Variants in TPR observed in about 807,000 individuals in gnomAD.
TPR encodes translocated promoter region, nuclear basket protein.
Under a neutral mutation model 316.1 loss-of-function variants are expected in TPR, and 51 were observed. That is an observed-to-expected ratio of 0.16 (90% CI 0.13 to 0.20). The LOEUF is 0.20. Among genes scored for constraint, TPR ranks in the 10% least tolerant of loss-of-function variants. TPR has a pLI of 1.00. For synonymous variants in TPR, 981 were observed against 914.7 expected (o/e 1.07, Z -1.31); for missense variants, 2,272 against 2,754.8 (o/e 0.82, Z 3.92).
In TPR at chr1:186,346,120, G is replaced by T; in HGVS notation, c.3096+15C>A. 4 of 1,579,428 alleles carry T rather than the reference G, an allele frequency of 2.5e-6. No homozygotes were observed. The highest frequency in any genetic ancestry group is 2.6e-6 in the Non-Finnish European group (3 of 1,166,408). ...TACAAGTTAAAAAAAAAATTAATAC[G>T]GTTAACCTATTTACCTGTTGTTCCA... On this transcript the variant is annotated intron_variant, in intron 23 of 50. Coordinates refer to ENST00000367478, the MANE Select transcript of TPR (RefSeq NM_003292.3).
At chr1:186,349,729 A>C (rs1658801958) in intron 21 of TPR, among the ~76,000 whole-genome samples, 1 of 152,062 alleles carries the variant, frequency 6.6e-6, no homozygotes, top group Admixed American at 6.5e-5. Flanking sequence ...AAAGGCTTCG[A>C]ACTTGAAAGA....
At chr1:186,332,077 G>A in intron 38 of TPR, 118 bp downstream of exon 38, 1 of 1,091,960 alleles carries the variant, frequency 9.2e-7, no homozygotes, top group South Asian at 2.1e-5. Flanking sequence ...TTCAATAAAA[G>A]TGTTTTCCAG....
At position 186,347,310 on chromosome 1, in the gene TPR, G is replaced by T. The variant is rs1204618749; in HGVS notation, c.2925C>A (p.Ser975=). Residue 975 remains serine, a synonymous_variant, in exon 22 of 51, where the codon TCC becomes TCA. Coordinates refer to ENST00000367478, the MANE Select transcript of TPR (RefSeq NM_003292.3). ...YQAMVTSLEE[S]LNKEKQVTEE... ...TACATACCTGTTTTTCCTTGTTCAG[G>T]GATTCTTCTAAACTAGTAACCATTG... is the stretch of plus-strand genomic sequence containing the variant. The T allele has an allele frequency of 3.1e-6, 5 of 1,612,806 alleles. No individual in the cohort carries two copies. The highest frequency in any genetic ancestry group is 2.2e-5 in the South Asian group (2 of 90,794).
chr1:186,375,244 G>C lies in TPR; in HGVS notation c.-216C>G. Reference sequence around the variant, plus strand: ...TTTCAGCAACAGCACCTCACCGCCCGCGACCGAAGTGCGCGCGCAGCCGTT... The same window carrying C: ...TTTCAGCAACAGCACCTCACCGCCCCCGACCGAAGTGCGCGCGCAGCCGTT... On this transcript the variant is annotated 5_prime_UTR_variant, in exon 1 of 51. Transcript: ENST00000367478. 6.9e-7 allele frequency: 1 copy of C among 1,448,328 alleles called. No individual in the cohort carries two copies. The allele number at this position is 1,448,328 out of a possible 1,614,324, so 89.7% of individuals were successfully genotyped here.
In TPR at chr1:186,333,126, G is replaced by A. The variant is rs1658223747; in HGVS notation, c.5451C>T (p.Gly1817=). 2 of 1,612,838 alleles carry A rather than the reference G, an allele frequency of 1.2e-6. No homozygotes were observed. The highest frequency in any genetic ancestry group is 1.7e-5 in the Admixed American group (1 of 59,828). The change falls in exon 37 of 51, where the codon GGC becomes GGT. Residue 1817 remains glycine, a synonymous_variant. Transcript: ENST00000367478. ...TCATTTTAAAATTAATTTTACCTGT[G>A]CCAAATACTGCTGTGGAAGTAGAAG... ...ERPSTSTAVF[G]TVSATPSSSL...
chr1:186,336,690 A>G lies in TPR; in HGVS notation c.4511T>C (p.Leu1504Ser). 6.2e-7 allele frequency: 1 copy of G among 1,612,436 alleles called. No homozygotes were observed. Among genetic ancestry groups the G allele is most frequent in the Non-Finnish European group, 8.5e-7 (1 of 1,179,392 alleles). The stretch of plus-strand genomic sequence containing the variant: ...TCTTGCTTCTGTCTCTTTTTCAGAT[A>G]ATGTCTTTAAAGGAAAACAAAGTAT... ...ESQVENLQKTLSEKETEARNL... is the reference protein window; with the variant it reads ...ESQVENLQKTSSEKETEARNL... The change falls in exon 33 of 51, where the codon TTA (leucine) becomes TCA (serine). Residue 1504 changes from leucine to serine, a missense_variant. Around this residue, in one of 10 missense-constraint regions of TPR, gnomAD observed 101 missense variants for 113.0 expected, o/e 0.89. Coordinates refer to ENST00000367478, the MANE Select transcript of TPR (RefSeq NM_003292.3).
At position 186,322,695 on chromosome 1, in the gene TPR, A is replaced by C. The variant is rs1246014161; in HGVS notation, c.6298-109T>G. On this transcript the variant is annotated intron_variant, in intron 43 of 50. Coordinates refer to ENST00000367478, the MANE Select transcript of TPR (RefSeq NM_003292.3). ...TTACGCTGCCAACAAAATAGTTAGC[A>C]GACAGGTAATTAGGACATTTTCCCA... 7.2e-6 allele frequency: 8 copies of C among 1,106,770 alleles called. No homozygotes were observed. In the African/African-American group the frequency reaches 1.2e-4, roughly 17 times the overall value. The allele number at this position is 1,106,770 out of a possible 1,614,324, so 68.6% of individuals were successfully genotyped here.
intron 39 of TPR, among the ~76,000 whole-genome samples, chr1:186,330,942 A>G (rs796602815): frequency 8.5e-5 from 13 of 152,272 alleles, no homozygotes; most frequent in African/African-American, 3.1e-4. Context: ...AATGCAGGGA[A>G]TTAATGATAT....
At position 186,314,694 on chromosome 1, in the gene TPR, C is replaced by T; in HGVS notation, c.6971G>A (p.Arg2324Lys). 1 of 1,612,596 alleles carries T rather than the reference C, an allele frequency of 6.2e-7. No individual in the cohort carries two copies. The highest frequency in any genetic ancestry group is 8.5e-7 in the Non-Finnish European group (1 of 1,179,240). Residue 2324 changes from arginine (R) to lysine (K), a missense_variant, in exon 50 of 51, where the codon AGA becomes AAA. Physicochemically the swap from Arg to Lys is conservative, Grantham distance 26 (BLOSUM62 2). Around this residue, in one of 10 missense-constraint regions of TPR, gnomAD observed 123 missense variants for 142.3 expected, o/e 0.86. Coordinates refer to ENST00000367478, the MANE Select transcript of TPR (RefSeq NM_003292.3). ...DTSSSQPKPFRRVRLQTTLRQ... is the reference protein window; with the variant it reads ...DTSSSQPKPFKRVRLQTTLRQ... ...CAATGTTGTCTGAAGTCTTACTCGT[C>T]TGAAAGGCTTTGGTTGACTACTACT...
In TPR at chr1:186,332,062, G is replaced by C. The variant is rs1658183114; in HGVS notation, c.5604+133C>G. 4 of 925,742 alleles carry C rather than the reference G, an allele frequency of 4.3e-6. No individual in the cohort carries two copies. The East Asian group carries it at 1.2e-4, about 27-fold the overall frequency. 57.3% of individuals were successfully genotyped at this position (925,742 alleles called of 1,614,324 possible). A position where few individuals can be genotyped will look rare whatever the true frequency, so the allele number is the denominator to read the frequency against. The stretch of plus-strand genomic sequence containing the variant: ...CTGGGTTGTCAGTGGAATCTTTGTA[G>C]AAAGTTCAATAAAAGTGTTTTCCAG... On this transcript the variant is annotated intron_variant, in intron 38 of 50. Transcript: ENST00000367478.
chr1:186,336,943 G>A (rs1005207535), intron 32 of TPR, 70 bp downstream of exon 32: 2 of 1,591,098 alleles, frequency 1.3e-6, no homozygotes, highest in African/African-American at 2.7e-5. Context: ...CAAAGTGTCA[G>A]TAGTTAACAC....
intron 34 of TPR, 65 bp downstream of exon 34, chr1:186,335,272 CA>C (rs1434613914): frequency 6.3e-7 from 1 of 1,583,118 alleles, no homozygotes; most frequent in African/African-American, 1.4e-5. Context: ...CCTATATCAC[CA>C]AGCACTTTCA....
chr1:186,358,006 C>T (rs1659079165), intron 13 of TPR, among the ~76,000 whole-genome samples: 1 of 152,086 alleles, frequency 6.6e-6, no homozygotes, highest in East Asian at 1.9e-4. Context: ...ATATATAATG[C>T]CATTCATGTG....
Position 186,313,502 on chromosome 1 carries a change from A to G in TPR, c.*469T>C. 1 of 550,026 alleles carries G rather than the reference A, an allele frequency of 1.8e-6. No individual in the cohort carries two copies. The highest frequency in any genetic ancestry group is 3.2e-6 in the Non-Finnish European group (1 of 311,958). The allele number at this position is 550,026 out of a possible 1,614,324, so 34.1% of individuals were successfully genotyped here. On this transcript the variant is annotated 3_prime_UTR_variant, in exon 51 of 51. Transcript: ENST00000367478. ...AAATGTCAATCTTTTGAAACATCAA[A>G]AAAGCTGAAAAGTCTAGGCAATTGT...
Position 186,360,913 on chromosome 1 carries a change from A to C in TPR, c.959-8T>G, listed in dbSNP as rs762096352. On this transcript the variant is annotated splice_polypyrimidine_tract_variant and splice_region_variant and intron_variant, in intron 9 of 50. Transcript: ENST00000367478. ...CTTGTATTGCTTTGTTGGCTAAAAA[A>C]CAATTTTAAAGACCAAATATTCAAA... 6.2e-7 allele frequency: 1 copy of C among 1,603,760 alleles called. No individual in the cohort carries two copies.
At chr1:186,333,091 T>C in intron 37 of TPR, 31 bp downstream of exon 37, 1 of 1,608,184 alleles carries the variant, frequency 6.2e-7, no homozygotes, top group Non-Finnish European at 8.5e-7. Context: ...TGCATAGGTC[T>C]ACTCTGACTT....
At chr1:186,316,113 G>A (rs1223135257) in intron 49 of TPR, among the ~76,000 whole-genome samples, 1 of 151,792 alleles carries the variant, frequency 6.6e-6, no homozygotes, top group African/African-American at 2.4e-5. Context: ...TACAAGCTCT[G>A]ATAAGATATA....
Position 186,343,998 on chromosome 1 carries a change from G to A in TPR, c.3510C>T (p.Val1170=), listed in dbSNP as rs180994743. 376 of 1,614,034 alleles carry A rather than the reference G, an allele frequency of 2.3e-4. 1 individual carries two copies. In the African/African-American group the frequency reaches 4.2e-3, roughly 18 times the overall value. The change falls in exon 26 of 51, where the codon GTC becomes GTT. Residue 1170 remains valine, a synonymous_variant. Transcript: ENST00000367478. ...HDQIEKLSDK[V]VASVKEGVQG... is the part of the protein sequence containing the mutation. The stretch of plus-strand genomic sequence containing the variant: ...GTACACCTTCCTTCACAGAGGCAAC[G>A]ACCTTGTCACTTAATTTTTCGATCT...
chr1:186,338,216 C>A lies in TPR; in HGVS notation c.4179G>T (p.Gln1393His). 6.2e-7 allele frequency: 1 copy of A among 1,609,640 alleles called. No individual in the cohort carries two copies. Among genetic ancestry groups the A allele is most frequent in the South Asian group, 1.1e-5 (1 of 90,048 alleles). ...ARSNASLTNN[Q>H]NLIQSLKEDL... ...CTTCCTTCAGACTCTGAATTAAGTT[C>A]TGGTTGTTAGTCAAAGATGCATTTG... The change falls in exon 31 of 51, where the codon CAG becomes CAT. Residue 1393 changes from glutamine (Q) to histidine (H), a missense_variant. Coordinates refer to ENST00000367478, the MANE Select transcript of TPR (RefSeq NM_003292.3).
Sources: gnomAD v4.1 joint callset for allele counts (sites outside exome capture counted in the v4.1 genomes callset) on GRCh38, gnomAD v4.1.1 for gene constraint, gnomAD v4.1.1 regional missense constraint, MANE v1.5 for transcripts, NCBI Gene and HGNC (gene_info 2026-07-23, HGNC 2026-07-21) for gene names.